ASIC2: variants seen among roughly 807,000 people sequenced by gnomAD.
The protein encoded by ASIC2 is acid-sensing ion channel 2.
A neutral mutation model predicts 57.3 loss-of-function variants in ASIC2; 25 were observed. That is an observed-to-expected ratio of 0.44 (90% CI 0.32 to 0.61). ASIC2 has a LOEUF of 0.61. ASIC2 is among the 20% of genes least tolerant of loss of function. The pLI is 0.06. For synonymous variants in ASIC2, 319 were observed against 307.5 expected, an observed-to-expected ratio of 1.04 and a Z score of -0.39; for missense variants, 641 against 738.1, an observed-to-expected ratio of 0.87 and a Z score of 1.52.
chr17:34,043,747 GAAAACC>G (rs1292593771), intron 1 of ASIC2, among the ~76,000 whole-genome samples: 5 of 152,254 alleles, frequency 3.3e-5, no homozygotes, highest in Middle Eastern at 6.8e-3. Flanking sequence ...TCATAGAGGG[GAAAACC>G]AAAGCCCCTA....
intron 1 of ASIC2, among the ~76,000 whole-genome samples, chr17:34,155,377 T>C (rs528898678): frequency 3.9e-4 from 60 of 152,122 alleles, no homozygotes; most frequent in Non-Finnish European, 3.8e-4. Context: ...TCTCCCCACA[T>C]GGAGCTTAGA....
chr17:33,169,753 A>G (rs1905437635), intron 1 of ASIC2, among the ~76,000 whole-genome samples: 1 of 152,230 alleles, frequency 6.6e-6, no homozygotes, highest in East Asian at 1.9e-4. Flanking sequence ...CTTCTCTGCC[A>G]TATATAGCAG....
chr17:33,580,528 A>C lies in ASIC2; in HGVS notation c.556-468461T>G, dbSNP rs149246360. ...GCAAATTGGATGATGGGTCTGTTGC[A>C]CTAAAACCAATGCCAGGCTGCACTC... is the stretch of plus-strand genomic sequence containing the variant. On this transcript the variant is annotated intron_variant, in intron 1 of 9. Transcript: ENST00000359872. Among the ~76,000 whole-genome samples, 8 of 152,292 alleles carry C rather than the reference A, an allele frequency of 5.3e-5. No individual in the cohort carries two copies. The East Asian group carries it at 1.4e-3, about 26-fold the overall frequency.
intron 1 of ASIC2, among the ~76,000 whole-genome samples, chr17:33,499,123 G>A (rs1387833616): frequency 6.6e-6 from 1 of 152,202 alleles, no homozygotes. Context: ...AGCCACAGCT[G>A]GTTCCTTTTG....
At chr17:33,866,970 C>T (rs2637338) in intron 1 of ASIC2, among the ~76,000 whole-genome samples, 103,998 of 152,082 alleles carry the variant, frequency 0.68, 36,608 homozygotes, top group Admixed American at 0.8. Flanking sequence ...ATCAGTCATG[C>T]AGGAAAAAAA....
intron 1 of ASIC2, among the ~76,000 whole-genome samples, chr17:34,052,548 C>G (rs1173658884): frequency 2.0e-5 from 3 of 151,928 alleles, no homozygotes; most frequent in Non-Finnish European, 4.4e-5. Context: ...CACCCTCTTT[C>G]TGTGGCTGTA....
intron 1 of ASIC2, among the ~76,000 whole-genome samples, chr17:33,716,348 G>C (rs1413845973): frequency 3.9e-5 from 6 of 152,140 alleles, no homozygotes. Context: ...GATGATCCTT[G>C]ACTACCTCTT....
chr17:33,579,109 A>T (rs113720288), intron 1 of ASIC2, among the ~76,000 whole-genome samples: 1,731 of 151,914 alleles, frequency 0.011, 33 homozygotes, highest in African/African-American at 0.04. Context: ...ACATGGTGAA[A>T]CCCCGTCTCT....
rs138993931 is a variant in ASIC2, at chr17:33,348,971, G to A, written c.556-236904C>T. Among the ~76,000 whole-genome samples, 1,384 of 152,220 alleles carry A rather than the reference G, an allele frequency of 9.1e-3. 21 individuals carry two copies. Among genetic ancestry groups the A allele is most frequent in the African/African-American group, 0.032 (1,320 of 41,550 alleles). ...CTCCAACAGGCAAACAAATCCACTA[G>A]GGATCCTGTTTGAATGCAGACTCTT... On this transcript the variant is annotated intron_variant, in intron 1 of 9. Transcript: ENST00000359872.
chr17:34,114,104 T>C (rs982595080), intron 1 of ASIC2, among the ~76,000 whole-genome samples: 2 of 152,184 alleles, frequency 1.3e-5, no homozygotes, highest in Non-Finnish European at 1.5e-5. Context: ...GCAAAGCTAG[T>C]TCATGAGGTT....
intron 1 of ASIC2, among the ~76,000 whole-genome samples, chr17:33,619,343 A>G (rs1905705074): frequency 6.6e-6 from 1 of 152,216 alleles, no homozygotes; most frequent in Non-Finnish European, 1.5e-5. Flanking sequence ...GCTCCTAAAA[A>G]TGATGTACCA....
At chr17:33,105,335 C>T (rs561048261) in intron 2 of ASIC2, among the ~76,000 whole-genome samples, 2 of 152,232 alleles carry the variant, frequency 1.3e-5, no homozygotes, top group African/African-American at 4.8e-5. Flanking sequence ...AGGGGAGTTC[C>T]CCTGCACACA....
chr17:33,792,917 T>C (rs1911814236), intron 1 of ASIC2: 1 of 152,090 alleles, frequency 6.6e-6, no homozygotes, highest in Non-Finnish European at 1.5e-5. Flanking sequence ...ACCTGTAAAA[T>C]GGGATCCAGA....
At chr17:33,436,855 T>TCTTC (rs200912172) in intron 1 of ASIC2, among the ~76,000 whole-genome samples, 4 of 37,548 alleles carry the variant, frequency 1.1e-4, no homozygotes, top group Non-Finnish European at 2.0e-4. Flanking sequence ...TCCAACTTCT[T>TCTTC]TTTTTTTTTT....
chr17:33,780,976 C>T (rs1911434463), intron 1 of ASIC2, among the ~76,000 whole-genome samples: 1 of 152,160 alleles, frequency 6.6e-6, no homozygotes, highest in African/African-American at 2.4e-5. Flanking sequence ...GTGTGAACAG[C>T]TTGGCACAGG....
chr17:33,524,831 C>T (rs1290962475), intron 1 of ASIC2, among the ~76,000 whole-genome samples: 4 of 152,230 alleles, frequency 2.6e-5, no homozygotes, highest in Non-Finnish European at 5.9e-5. Flanking sequence ...CCTCAGCCTC[C>T]CAAGTAGTAG....
chr17:33,592,929 C>T (rs775815534), intron 1 of ASIC2, among the ~76,000 whole-genome samples: 14 of 152,206 alleles, frequency 9.2e-5, no homozygotes, highest in Non-Finnish European at 1.8e-4. Context: ...TTCTCATTAT[C>T]TGTAGCAGAA....
intron 1 of ASIC2, among the ~76,000 whole-genome samples, chr17:33,483,989 G>A (rs1429470290): frequency 6.6e-6 from 1 of 152,186 alleles, no homozygotes; most frequent in East Asian, 1.9e-4. Context: ...TGTGAGCAGA[G>A]ATGAGAGACA....
rs114357541 is a variant in ASIC2 at position 33,515,782 on chromosome 17, C to T, written c.556-403715G>A. Among the ~76,000 whole-genome samples the T allele has an allele frequency of 6.7e-3, 1,027 of 152,256 alleles. 12 individuals carry two copies. The highest frequency in any genetic ancestry group is 0.024 in the African/African-American group (985 of 41,534). On this transcript the variant is annotated intron_variant, in intron 1 of 9. Transcript: ENST00000359872. ...CTCGGACTTGGCTTGCTATTCCTGT[C>T]CTGACCTCCGTCCTGTTCTGAAGAA...
Sources: gnomAD v4.1 joint callset for allele counts (sites outside exome capture counted in the v4.1 genomes callset) on GRCh38, gnomAD v4.1.1 for gene constraint, MANE v1.5 for transcripts, NCBI Gene and HGNC (gene_info 2026-07-23, HGNC 2026-07-21) for gene names.